Variants in GRM7 observed in about 807,000 individuals in gnomAD.
The protein encoded by GRM7 is glutamate metabotropic receptor 7.
GRM7 carries 35 observed loss-of-function variants against 84.5 expected under a neutral mutation model. That is an observed-to-expected ratio of 0.41 (90% CI 0.32 to 0.55). The LOEUF is 0.55. Ranked by LOEUF, GRM7 falls within the 20% of genes least tolerant of loss-of-function variation. The probability of loss-of-function intolerance (pLI) is 0.19; values close to 1 mark genes in which losing one functional copy is unlikely to be tolerated. For synonymous variants in GRM7, 487 were observed against 455.1 expected (o/e 1.07, Z -0.89); for missense variants, 1,003 against 1,194.6 (o/e 0.84, Z 2.36).
At chr3:7,682,090 C>G (rs1246311120) in intron 9 of GRM7, 1 of 152,168 alleles carries the variant, frequency 6.6e-6, no homozygotes, top group Non-Finnish European at 1.5e-5. Context: ...AATCCCAGCA[C>G]TTTGGGAGGA....
chr3:7,352,778 A>G (rs550219111), intron 4 of GRM7, among the ~76,000 whole-genome samples: 2 of 152,090 alleles, frequency 1.3e-5, no homozygotes, highest in South Asian at 2.1e-4. Context: ...CTCCACCCAT[A>G]TGATATCAGT....
intron 1 of GRM7, among the ~76,000 whole-genome samples, chr3:7,086,364 G>T (rs1362863189): frequency 9.3e-6 from 1 of 107,498 alleles, no homozygotes; most frequent in South Asian, 3.0e-4. Context: ...AGAAATACAA[G>T]TTAGTATTCC....
intron 2 of GRM7, among the ~76,000 whole-genome samples, chr3:7,176,764 C>A (rs1312934738): frequency 2.0e-5 from 3 of 152,146 alleles, no homozygotes; most frequent in Non-Finnish European, 4.4e-5. Flanking sequence ...TCCATTCTTC[C>A]ATCCTCTTAG....
chr3:7,634,782 A>G (rs1318502643), intron 8 of GRM7, among the ~76,000 whole-genome samples: 1 of 131,426 alleles, frequency 7.6e-6, no homozygotes, highest in Admixed American at 8.0e-5. Flanking sequence ...CGACAGAGTG[A>G]GACTCTGTCT....
chr3:7,046,345 G>A (rs772962951), intron 1 of GRM7, among the ~76,000 whole-genome samples: 22 of 152,108 alleles, frequency 1.4e-4, no homozygotes, highest in Non-Finnish European at 1.8e-4. Context: ...CTGCTGAGCT[G>A]GAGCTAGACT....
Position 7,720,994 on chromosome 3 carries a change from G to T in GRM7, c.2699-19363G>T, listed in dbSNP as rs190824046. Reference sequence around the variant, plus strand: ...TGCTGGTACCTACTTCATAGAGCTTGCTGGAAGGATTAAAAGGGCCCATGA... The same window carrying T: ...TGCTGGTACCTACTTCATAGAGCTTTCTGGAAGGATTAAAAGGGCCCATGA... On this transcript the variant is annotated intron_variant, in intron 9 of 9. Transcript: ENST00000357716. 2.8e-3 allele frequency among the ~76,000 whole-genome samples: 428 copies of T among 152,308 alleles called. 7 individuals are homozygous for T. Among genetic ancestry groups the T allele is most frequent in the Middle Eastern group, 0.02 (6 of 294 alleles).
At chr3:7,727,805 TCTC>T (rs1468253008) in intron 9 of GRM7, among the ~76,000 whole-genome samples, 1 of 152,152 alleles carries the variant, frequency 6.6e-6, no homozygotes, top group Non-Finnish European at 1.5e-5. Flanking sequence ...TTGTCTCACT[TCTC>T]CTATCTATCC....
chr3:7,126,995 A>AT (rs1693424580), intron 1 of GRM7, among the ~76,000 whole-genome samples: 1 of 152,236 alleles, frequency 6.6e-6, no homozygotes, highest in Non-Finnish European at 1.5e-5. Context: ...CTTTATGGAA[A>AT]TTATGCAAAG....
intron 8 of GRM7, among the ~76,000 whole-genome samples, chr3:7,579,967 C>A (rs3804906): frequency 0.33 from 49,493 of 152,060 alleles, 8,686 homozygotes; most frequent in African/African-American, 0.46. Context: ...TCACATCCAG[C>A]AATTCACAGT....
At chr3:7,375,751 T>G (rs902164548) in intron 4 of GRM7, among the ~76,000 whole-genome samples, 7 of 152,156 alleles carry the variant, frequency 4.6e-5, no homozygotes, top group African/African-American at 1.7e-4. Context: ...AATTCTAGGT[T>G]CATCCTCCTC....
At chr3:7,511,586 G>A (rs1382053576) in intron 7 of GRM7, among the ~76,000 whole-genome samples, 2 of 152,002 alleles carry the variant, frequency 1.3e-5, no homozygotes, top group African/African-American at 4.8e-5. Flanking sequence ...ACCCAGACAT[G>A]CACCATCTCA....
intron 7 of GRM7, among the ~76,000 whole-genome samples, chr3:7,468,693 G>T (rs1304164415): frequency 6.6e-6 from 1 of 152,156 alleles, no homozygotes; most frequent in East Asian, 1.9e-4. Context: ...GTCAAGGCAG[G>T]GAGGTGATTG....
intron 4 of GRM7, among the ~76,000 whole-genome samples, chr3:7,365,640 C>CGT (rs199842461): frequency 2.0e-4 from 20 of 100,852 alleles, no homozygotes; most frequent in Admixed American, 3.0e-4. Context: ...TGTGTGTGTG[C>CGT]GTGTGTGTAT....
At chr3:6,957,180 T>G (rs1032320677) in intron 1 of GRM7, among the ~76,000 whole-genome samples, 1 of 152,208 alleles carries the variant, frequency 6.6e-6, no homozygotes, top group Non-Finnish European at 1.5e-5. Context: ...ATCCTAAAAT[T>G]TTCCATAAAG....
chr3:7,718,988 A>G (rs940721503), intron 9 of GRM7, among the ~76,000 whole-genome samples: 1 of 152,194 alleles, frequency 6.6e-6, no homozygotes, highest in Non-Finnish European at 1.5e-5. Flanking sequence ...TATGATTCAT[A>G]TTGGAGATTT....
intron 7 of GRM7, among the ~76,000 whole-genome samples, chr3:7,545,749 G>C (rs532389748): frequency 1.3e-5 from 2 of 152,216 alleles, no homozygotes; most frequent in African/African-American, 4.8e-5. Flanking sequence ...GGTCTGGAAA[G>C]GTTCTATTTC....
chr3:7,728,360 AT>A (rs768737134), intron 9 of GRM7, among the ~76,000 whole-genome samples: 3 of 152,172 alleles, frequency 2.0e-5, no homozygotes, highest in Non-Finnish European at 4.4e-5. Context: ...CAGTGCTTAT[AT>A]ATGTTTCAAA....
At chr3:6,903,280 T>G (rs555293827) in intron 1 of GRM7, among the ~76,000 whole-genome samples, 1 of 151,954 alleles carries the variant, frequency 6.6e-6, no homozygotes, top group Non-Finnish European at 1.5e-5. Context: ...ATTATTGCAT[T>G]CTTTGAGTCA....
At chr3:7,083,151 T>A (rs1698325697) in intron 1 of GRM7, among the ~76,000 whole-genome samples, 1 of 152,114 alleles carries the variant, frequency 6.6e-6, no homozygotes, top group Non-Finnish European at 1.5e-5. Context: ...AGAAATCTTT[T>A]GTGAAAGGAA....
Sources: gnomAD v4.1 joint callset for allele counts (sites outside exome capture counted in the v4.1 genomes callset) on GRCh38, gnomAD v4.1.1 for gene constraint, MANE v1.5 for transcripts, NCBI Gene and HGNC (gene_info 2026-07-23, HGNC 2026-07-21) for gene names.